Variants in GALNT1 observed in about 807,000 individuals in gnomAD.
GALNT1 encodes the protein GalNAc transferase 1.
A neutral mutation model predicts 65.7 loss-of-function variants in GALNT1; 17 were observed. The observed-to-expected ratio is 0.26, with a 90% CI of 0.18 to 0.39. GALNT1 has a LOEUF of 0.39. Ranked by LOEUF, GALNT1 falls within the 10% of genes least tolerant of loss-of-function variation. GALNT1 has a pLI of 1.00. For synonymous variants in GALNT1, 210 were observed against 219.7 expected (o/e 0.96, Z 0.39); for missense variants, 460 against 672.8 (o/e 0.68, Z 3.50).
At chr18:35,615,760 TAGG>T (rs1306785479) in intron 1 of GALNT1, among the ~76,000 whole-genome samples, 2 of 152,208 alleles carry the variant, frequency 1.3e-5, no homozygotes, top group Non-Finnish European at 2.9e-5. Flanking sequence ...AGCTGTTTCT[TAGG>T]AGAAAAATGA....
chr18:35,669,462 A>T (rs2047598929), intron 3 of GALNT1, among the ~76,000 whole-genome samples: 1 of 152,248 alleles, frequency 6.6e-6, no homozygotes. Context: ...GAAATCCAGC[A>T]ATATATAGAA....
chr18:35,629,701 A>G (rs533019414), intron 1 of GALNT1, among the ~76,000 whole-genome samples: 4 of 152,338 alleles, frequency 2.6e-5, no homozygotes, highest in African/African-American at 4.8e-5. Flanking sequence ...GACAGGATCA[A>G]ATTCACACAT....
chr18:35,598,254 C>T (rs965047187), intron 1 of GALNT1, among the ~76,000 whole-genome samples: 12 of 151,938 alleles, frequency 7.9e-5, no homozygotes, highest in African/African-American at 2.4e-4. Context: ...AGGCTGGTCT[C>T]GAACTCCTGA....
intron 1 of GALNT1, among the ~76,000 whole-genome samples, chr18:35,583,089 C>T (rs1281360331): frequency 6.6e-6 from 1 of 152,122 alleles, no homozygotes; most frequent in Non-Finnish European, 1.5e-5. Context: ...GTTCTGGGTA[C>T]ATGGTGAATA....
At chr18:35,646,044 G>C (rs1205448346) in intron 1 of GALNT1, among the ~76,000 whole-genome samples, 1 of 152,082 alleles carries the variant, frequency 6.6e-6, no homozygotes, top group Non-Finnish European at 1.5e-5. Flanking sequence ...TGAAGAAAAG[G>C]GGCTTAATTG....
At chr18:35,697,241 A>T (rs1335129942) in intron 9 of GALNT1, among the ~76,000 whole-genome samples, 1 of 151,996 alleles carries the variant, frequency 6.6e-6, no homozygotes, top group Non-Finnish European at 1.5e-5. Flanking sequence ...AGAGAGAGAG[A>T]GATTTATCCC....
chr18:35,675,860 A>G (rs2047703862), intron 3 of GALNT1, among the ~76,000 whole-genome samples: 1 of 151,974 alleles, frequency 6.6e-6, no homozygotes, highest in Non-Finnish European at 1.5e-5. Flanking sequence ...ACCCCCTTTT[A>G]CCCATACATA....
intron 1 of GALNT1, among the ~76,000 whole-genome samples, chr18:35,614,861 T>TA (rs916670767): frequency 7.9e-5 from 12 of 151,436 alleles, no homozygotes; most frequent in Non-Finnish European, 1.6e-4. Flanking sequence ...TTCTCAATAG[T>TA]AAAAAAAATA....
At chr18:35,694,407 C>G (rs1455614357) in intron 9 of GALNT1, among the ~76,000 whole-genome samples, 3 of 151,862 alleles carry the variant, frequency 2.0e-5, no homozygotes, top group Non-Finnish European at 2.9e-5. Context: ...TGGCCACTAT[C>G]AAAAAAACAG....
At chr18:35,683,203 G>A (rs1344052830) in intron 4 of GALNT1, among the ~76,000 whole-genome samples, 188 bp from the exon 5 acceptor site, 1 of 152,124 alleles carries the variant, frequency 6.6e-6, no homozygotes, top group Non-Finnish European at 1.5e-5. Flanking sequence ...ATAAAATAGA[G>A]GCAGCTGTAG....
chr18:35,615,937 C>T (rs185338929), intron 1 of GALNT1, among the ~76,000 whole-genome samples: 19 of 152,270 alleles, frequency 1.2e-4, no homozygotes, highest in Non-Finnish European at 7.4e-5. Context: ...CTTTGCAGGC[C>T]GTACAGTCTC....
chr18:35,625,622 T>C (rs146876608), intron 1 of GALNT1, among the ~76,000 whole-genome samples: 289 of 151,372 alleles, frequency 1.9e-3, no homozygotes, highest in African/African-American at 6.5e-3. Flanking sequence ...ATTGGAGAGG[T>C]TGGTGTTGTA....
intron 1 of GALNT1, among the ~76,000 whole-genome samples, chr18:35,643,153 T>G (rs2047187380): frequency 6.6e-6 from 1 of 152,054 alleles, no homozygotes; most frequent in Admixed American, 6.6e-5. Flanking sequence ...GCCACTTCTG[T>G]TTGTAATGGT....
At chr18:35,630,367 T>G (rs1466477280) in intron 1 of GALNT1, among the ~76,000 whole-genome samples, 1 of 152,176 alleles carries the variant, frequency 6.6e-6, no homozygotes, top group Non-Finnish European at 1.5e-5. Flanking sequence ...CAGACCACAG[T>G]GCAACCAAAC....
chr18:35,686,090 T>G (rs1413182840), intron 5 of GALNT1, among the ~76,000 whole-genome samples: 2 of 152,090 alleles, frequency 1.3e-5, no homozygotes, highest in South Asian at 4.1e-4. Flanking sequence ...ATGAAAAGTT[T>G]ATTTCACACC....
intron 1 of GALNT1, among the ~76,000 whole-genome samples, chr18:35,611,361 A>G (rs889612088): frequency 2.0e-5 from 3 of 152,200 alleles, no homozygotes; most frequent in Admixed American, 6.5e-5. Flanking sequence ...GCAGTTGAAC[A>G]TACTGCAGAG....
Position 35,655,484 on chromosome 18 carries a change from A to G in GALNT1, c.139+683A>G, listed in dbSNP as rs1002538597. Among the ~76,000 whole-genome samples the G allele has an allele frequency of 2.7e-5, 4 of 150,160 alleles. No homozygotes were observed. The East Asian group carries it at 7.8e-4, about 29-fold the overall frequency. On this transcript the variant is annotated intron_variant, in intron 2 of 11. Coordinates refer to ENST00000269195, the MANE Select transcript of GALNT1 (RefSeq NM_020474.4). ...TTTTATTCAACAAACAAATGTTGCC[A>G]TTTTTTAAAAAATTCTTTTTTTTTT...
intron 1 of GALNT1, among the ~76,000 whole-genome samples, chr18:35,612,605 C>T (rs1011657991): frequency 6.6e-6 from 1 of 152,196 alleles, no homozygotes; most frequent in Non-Finnish European, 1.5e-5. Context: ...GGTGCTCACG[C>T]CTGTAATCCC....
chr18:35,590,566 G>A (rs756440950), intron 1 of GALNT1, among the ~76,000 whole-genome samples: 1 of 152,180 alleles, frequency 6.6e-6, no homozygotes, highest in Admixed American at 6.5e-5. Context: ...TTGTAGAAAG[G>A]AGTAGAATTT....
Sources: gnomAD v4.1 joint callset for allele counts (sites outside exome capture counted in the v4.1 genomes callset) on GRCh38, gnomAD v4.1.1 for gene constraint, MANE v1.5 for transcripts, NCBI Gene and HGNC (gene_info 2026-07-23, HGNC 2026-07-21) for gene names.